TLCD4: variants seen among roughly 807,000 people sequenced by gnomAD.
TLCD4 encodes the protein TLC domain-containing protein 4.
A neutral mutation model predicts 24.2 loss-of-function variants in TLCD4; 7 were observed. The observed-to-expected ratio is 0.29, with a 90% CI of 0.16 to 0.54. The LOEUF (loss-of-function observed/expected upper bound fraction) is 0.54, where lower values mean the gene tolerates loss of function less well. TLCD4 is among the 20% of genes least tolerant of loss of function. TLCD4 has a pLI of 0.95. For missense variants in TLCD4, 259 were observed against 313.9 expected (o/e 0.82, Z 1.32); for synonymous variants, 103 against 106.4 (o/e 0.97, Z 0.20).
the TLCD4 span, among the ~76,000 whole-genome samples, chr1:95,105,667 G>T: frequency 0.048 from 7,264 of 151,976 alleles, 181 homozygotes; most frequent in South Asian, 0.056. Context: ...AGGCCGAGGC[G>T]GGCGGATCAC....
intron 6 of TLCD4, among the ~76,000 whole-genome samples, chr1:95,190,720 C>T (rs1678998336): frequency 6.6e-6 from 1 of 152,232 alleles, no homozygotes; most frequent in Non-Finnish European, 1.5e-5. Context: ...CTGCAATTTG[C>T]ACTTCCTAAT....
chr1:95,105,334 C>G, the TLCD4 span, among the ~76,000 whole-genome samples: 1 of 152,144 alleles, frequency 6.6e-6, no homozygotes, highest in Non-Finnish European at 1.5e-5. Context: ...CCTGAAATAT[C>G]CTTTTCCCTG....
chr1:95,139,455 A>ATTTTTTTTT (rs200337389), intron 1 of TLCD4, among the ~76,000 whole-genome samples: 36 of 93,978 alleles, frequency 3.8e-4, no homozygotes, highest in South Asian at 1.9e-3. Flanking sequence ...TAAACCTTTG[A>ATTTTTTTTT]TTTTTTTTTT....
intron 6 of TLCD4, among the ~76,000 whole-genome samples, chr1:95,181,070 C>G (rs778150974): frequency 6.6e-6 from 1 of 152,006 alleles, no homozygotes; most frequent in Non-Finnish European, 1.5e-5. Context: ...GTACTCCAGC[C>G]TGGGTGATAG....
the TLCD4 span, among the ~76,000 whole-genome samples, chr1:95,110,444 A>G: frequency 6.6e-6 from 1 of 152,106 alleles, no homozygotes; most frequent in East Asian, 1.9e-4. Context: ...AAGATCCCTA[A>G]ATGTCCAACA....
intron 5 of TLCD4, among the ~76,000 whole-genome samples, chr1:95,159,039 G>A (rs1301357890): frequency 6.6e-6 from 1 of 152,110 alleles, no homozygotes; most frequent in East Asian, 1.9e-4. Flanking sequence ...GGGATGGCTG[G>A]GTCAAATGGT....
At chr1:95,154,390 G>A (rs1437654004) in intron 5 of TLCD4, among the ~76,000 whole-genome samples, 1 of 152,132 alleles carries the variant, frequency 6.6e-6, no homozygotes, top group Non-Finnish European at 1.5e-5. Flanking sequence ...ATGTTTGTTA[G>A]GAAGAAGAAA....
intron 2 of TLCD4, among the ~76,000 whole-genome samples, chr1:95,145,776 AAAATG>A (rs367645496): frequency 4.5e-4 from 69 of 152,358 alleles, no homozygotes; most frequent in African/African-American, 1.5e-3. Flanking sequence ...AGCCAAGATG[AAAATG>A]AAATGAAATT....
chr1:95,128,663 A>G (rs998857207), intron 1 of TLCD4, among the ~76,000 whole-genome samples: 3 of 152,048 alleles, frequency 2.0e-5, no homozygotes, highest in African/African-American at 7.2e-5. Flanking sequence ...TGTTTGAAAA[A>G]TCTATATCAA....
At chr1:95,141,498 T>G (rs1437847105) in intron 1 of TLCD4, among the ~76,000 whole-genome samples, 2 of 152,196 alleles carry the variant, frequency 1.3e-5, no homozygotes, top group Non-Finnish European at 2.9e-5. Context: ...TCTCTTCTGA[T>G]TACTGATTAT....
At chr1:95,129,212 C>T (rs1676823151) in intron 1 of TLCD4, among the ~76,000 whole-genome samples, 1 of 152,156 alleles carries the variant, frequency 6.6e-6, no homozygotes, top group Non-Finnish European at 1.5e-5. Context: ...AAGGAGGTGT[C>T]AGTTGCCAGG....
At chr1:95,153,812 T>C (rs997370) in intron 5 of TLCD4, among the ~76,000 whole-genome samples, 12 of 151,924 alleles carry the variant, frequency 7.9e-5, no homozygotes, top group African/African-American at 2.9e-4. Flanking sequence ...CTAAGAACTA[T>C]AAGGACATGA....
At chr1:95,123,976 C>T (rs1437184177) in intron 1 of TLCD4, among the ~76,000 whole-genome samples, 1 of 152,092 alleles carries the variant, frequency 6.6e-6, no homozygotes, top group Non-Finnish European at 1.5e-5. Context: ...ATTTAATTCC[C>T]CAAATATTCA....
chr1:95,180,108 C>T (rs950074588), intron 6 of TLCD4, among the ~76,000 whole-genome samples: 1 of 152,054 alleles, frequency 6.6e-6, no homozygotes, highest in Non-Finnish European at 1.5e-5. Context: ...ATGTAGTAGC[C>T]ATTTGATTGC....
chr1:95,096,474 C>T, the TLCD4 span, among the ~76,000 whole-genome samples: 3 of 152,026 alleles, frequency 2.0e-5, no homozygotes, highest in African/African-American at 7.2e-5. Flanking sequence ...GATAGCTTTG[C>T]GGAAGGGACA....
chr1:95,122,090 G>A (rs943741497), intron 1 of TLCD4, among the ~76,000 whole-genome samples: 5 of 152,220 alleles, frequency 3.3e-5, no homozygotes, highest in East Asian at 1.9e-4. Context: ...GGTGGCTGGC[G>A]TGGTGGCTCA....
At chr1:95,161,807 T>G (rs555753470) in intron 5 of TLCD4, among the ~76,000 whole-genome samples, 1 of 152,080 alleles carries the variant, frequency 6.6e-6, no homozygotes, top group Middle Eastern at 3.2e-3. Flanking sequence ...TGTAGTTGAG[T>G]GGTTTTGAGT....
chr1:95,101,274 GA>G, the TLCD4 span, among the ~76,000 whole-genome samples: 1 of 151,748 alleles, frequency 6.6e-6, no homozygotes, highest in African/African-American at 2.4e-5. Context: ...TTTATTTAGA[GA>G]AAGGGTCTTG....
intron 1 of TLCD4, among the ~76,000 whole-genome samples, chr1:95,140,453 C>T (rs1309518624): frequency 6.6e-6 from 1 of 152,122 alleles, no homozygotes; most frequent in Non-Finnish European, 1.5e-5. Flanking sequence ...GTACTTCAGA[C>T]CTTTTCATGT....
Sources: gnomAD v4.1 joint callset for allele counts (sites outside exome capture counted in the v4.1 genomes callset) on GRCh38, gnomAD v4.1.1 for gene constraint, MANE v1.5 for transcripts, NCBI Gene and HGNC (gene_info 2026-07-23, HGNC 2026-07-21) for gene names.